Variants in PHF24 observed in about 807,000 individuals in gnomAD.
The protein encoded by PHF24 is PHD finger protein 24, also known as Galpha inhibitory interacting protein.
Under a neutral mutation model 42.6 loss-of-function variants are expected in PHF24, and 25 were observed. The ratio of observed to expected loss-of-function variants is 0.59; its 90% CI spans 0.43 to 0.82. The LOEUF (loss-of-function observed/expected upper bound fraction) is 0.82. Among genes scored for constraint, PHF24 ranks in the 40% least tolerant of loss-of-function variants. The pLI, the probability that PHF24 is intolerant of heterozygous loss-of-function variation, is 0.00. For missense variants in PHF24, 470 were observed against 538.1 expected, an observed-to-expected ratio of 0.87 and a Z score of 1.25; for synonymous variants, 185 against 204.8, an observed-to-expected ratio of 0.90 and a Z score of 0.83.
chr9:34,935,593 GA>G, the PHF24 span, among the ~76,000 whole-genome samples: 12 of 122,592 alleles, frequency 9.8e-5, no homozygotes, highest in South Asian at 5.6e-4. Flanking sequence ...GACTTCATCT[GA>G]AAAAAAAAAA....
chr9:34,918,042 C>A, the PHF24 span: 1 of 1,308,052 alleles, frequency 7.6e-7, no homozygotes, highest in Non-Finnish European at 1.1e-6. Context: ...TGCCTGTGAT[C>A]CCAAAGGAGG....
At position 34,977,679 on chromosome 9, in the gene PHF24, T is replaced by C. The variant is rs1259618407; in HGVS notation, c.1106+38T>C. The stretch of plus-strand genomic sequence containing the variant: ...TCCTCACCTGGCCATTTGTACCCTC[T>C]GAACCCCCACAAAACACACAAGTAA... On this transcript the variant is annotated intron_variant, in intron 7 of 7. Transcript: ENST00000242315. 2.7e-6 allele frequency: 4 copies of C among 1,498,168 alleles called. No homozygotes were observed. In the East Asian group the frequency reaches 7.3e-5, roughly 27 times the overall value. The allele number at this position is 1,498,168 out of a possible 1,614,324, so 92.8% of individuals were successfully genotyped here.
At chr9:34,729,426 A>G in the PHF24 span, 12 of 1,548,998 alleles carry the variant, frequency 7.7e-6, no homozygotes, top group Admixed American at 9.8e-5. Flanking sequence ...AGGGCTCAAC[A>G]TGGTCTAAAC....
the PHF24 span, chr9:34,918,357 C>G: frequency 1.1e-5 from 8 of 734,478 alleles, no homozygotes; most frequent in East Asian, 5.2e-5. Context: ...CAACTCTTCC[C>G]CCTCTCCCAG....
chr9:34,849,551 A>G, the PHF24 span, among the ~76,000 whole-genome samples: 1 of 151,988 alleles, frequency 6.6e-6, no homozygotes, highest in Non-Finnish European at 1.5e-5. Context: ...TTGATTCTTT[A>G]TCCAATTTGC....
the PHF24 span, among the ~76,000 whole-genome samples, chr9:34,864,958 C>T: frequency 5.9e-5 from 9 of 151,810 alleles, no homozygotes; most frequent in Admixed American, 3.3e-4. Context: ...AGGCAGATCA[C>T]GAGGTCAAGA....
chr9:34,892,891 T>A, the PHF24 span: 1 of 699,078 alleles, frequency 1.4e-6, no homozygotes, highest in South Asian at 1.5e-5. Flanking sequence ...ATTGTGACAG[T>A]GTTGGAGTTA....
At chr9:34,705,535 C>T in the PHF24 span, among the ~76,000 whole-genome samples, 2 of 152,168 alleles carry the variant, frequency 1.3e-5, no homozygotes, top group Admixed American at 1.3e-4. Context: ...AGCGTCTTGG[C>T]CTCCCAAAGT....
chr9:34,968,383 T>C (rs1192902799), intron 1 of PHF24, among the ~76,000 whole-genome samples: 1 of 152,244 alleles, frequency 6.6e-6, no homozygotes, highest in East Asian at 1.9e-4. Context: ...CCTAAATGAT[T>C]TCCTGAATGT....
the PHF24 span, among the ~76,000 whole-genome samples, chr9:34,809,041 A>T: frequency 0.34 from 47,850 of 139,748 alleles, 8,209 homozygotes; most frequent in East Asian, 0.58. The surrounding 1 kb of genome is among the most constrained non-coding windows in gnomAD (Gnocchi z 4.1). Context: ...GTATAATAAA[A>T]AAAAAAAATA....
chr9:34,795,323 AT>A, the PHF24 span, among the ~76,000 whole-genome samples: 954 of 152,264 alleles, frequency 6.3e-3, 6 homozygotes, highest in Middle Eastern at 0.037. Context: ...AAAAGAAAAA[AT>A]ATTGCCAACC....
At chr9:34,812,505 T>G in the PHF24 span, among the ~76,000 whole-genome samples, 1 of 152,216 alleles carries the variant, frequency 6.6e-6, no homozygotes, top group Non-Finnish European at 1.5e-5. Context: ...ATTTAGTAGC[T>G]CTTCCCTGAT....
chr9:34,696,289 A>C, the PHF24 span, among the ~76,000 whole-genome samples: 6 of 152,048 alleles, frequency 3.9e-5, no homozygotes, highest in Non-Finnish European at 8.8e-5. Flanking sequence ...GGAGTTTGAG[A>C]CCAGCTTGAC....
the PHF24 span, among the ~76,000 whole-genome samples, chr9:34,705,381 G>T: frequency 6.6e-6 from 1 of 152,172 alleles, no homozygotes; most frequent in Admixed American, 6.5e-5. Context: ...TGGCTCCCAG[G>T]CTCAAGTGAT....
chr9:34,776,608 T>A, the PHF24 span, among the ~76,000 whole-genome samples: 1 of 152,238 alleles, frequency 6.6e-6, no homozygotes, highest in African/African-American at 2.4e-5. Context: ...GTTTTCTGAT[T>A]TCTCTGTATT....
chr9:34,783,569 C>A, the PHF24 span, among the ~76,000 whole-genome samples: 1 of 152,184 alleles, frequency 6.6e-6, no homozygotes, highest in Admixed American at 6.5e-5. Context: ...ACTTCAAAAT[C>A]TGAATAAATC....
chr9:34,976,372 C>A, intron 4 of PHF24, 142 bp downstream of exon 4: 1 of 960,782 alleles, frequency 1.0e-6, no homozygotes, highest in Non-Finnish European at 1.6e-6. Context: ...TGTTGGCCAG[C>A]AGAGTCACCT....
chr9:34,942,834 C>G, the PHF24 span, among the ~76,000 whole-genome samples: 1 of 151,792 alleles, frequency 6.6e-6, no homozygotes, highest in Non-Finnish European at 1.5e-5. Flanking sequence ...GAACATCACA[C>G]ACGGGAGCCT....
intron 3 of PHF24, among the ~76,000 whole-genome samples, chr9:34,974,008 C>CT (rs2132916905): frequency 6.6e-6 from 1 of 151,206 alleles, no homozygotes; most frequent in African/African-American, 2.5e-5. Flanking sequence ...TCTTCTTCTT[C>CT]TTTTTTTTCT....
Sources: gnomAD v4.1 joint callset for allele counts (sites outside exome capture counted in the v4.1 genomes callset) on GRCh38, gnomAD v4.1.1 for gene constraint, Gnocchi (gnomAD v3.1) non-coding constraint, MANE v1.5 for transcripts, NCBI Gene and HGNC (gene_info 2026-07-23, HGNC 2026-07-21) for gene names.